MREG: variants seen among roughly 807,000 people sequenced by gnomAD.
MREG encodes the protein melanoregulin.
Under a neutral mutation model 28.5 loss-of-function variants are expected in MREG, and 31 were observed. The observed-to-expected ratio is 1.09, with a 90% confidence interval of 0.82 to 1.47. The LOEUF (loss-of-function observed/expected upper bound fraction) is 1.47. Among genes scored for constraint, MREG ranks in the 40% most tolerant of loss-of-function variants. The pLI is 0.00. For synonymous variants in MREG, 106 were observed against 95.2 expected (o/e 1.11, Z -0.66); for missense variants, 256 against 257.4 (o/e 0.99, Z 0.04).
chr2:215,944,925 C>A lies in MREG; in HGVS notation c.583G>T (p.Gly195Trp). 4.4e-6 allele frequency: 7 copies of A among 1,608,756 alleles called. No individual in the cohort carries two copies. Among genetic ancestry groups the A allele is most frequent in the Non-Finnish European group, 6.0e-6 (7 of 1,175,716 alleles). The part of the protein sequence containing the change: ...LARRTYPKKP[G>W]VPCLADGQKE... ...TGGCCATCTGCCAGGCATGGAACCC[C>A]AGGCTTCTTGGGGTAAGTTCGACGA... The change falls in exon 5 of 5, where the codon GGG (glycine) becomes TGG (tryptophan). Residue 195 changes from glycine to tryptophan, a missense_variant. Coordinates refer to ENST00000263268, the MANE Select transcript of MREG (RefSeq NM_018000.3).
chr2:215,997,242 G>A (rs766527179), intron 1 of MREG, among the ~76,000 whole-genome samples: 10 of 152,268 alleles, frequency 6.6e-5, no homozygotes, highest in Non-Finnish European at 1.0e-4. Flanking sequence ...ATAAACATGC[G>A]TACCCAAAGA....
chr2:215,952,143 C>G (rs1460781057), intron 2 of MREG, among the ~76,000 whole-genome samples: 2 of 152,174 alleles, frequency 1.3e-5, no homozygotes, highest in Non-Finnish European at 2.9e-5. Flanking sequence ...AATATATTTA[C>G]CAAATTATCT....
At chr2:215,984,407 C>T (rs944519627) in intron 2 of MREG, among the ~76,000 whole-genome samples, 5 of 149,766 alleles carry the variant, frequency 3.3e-5, no homozygotes, top group South Asian at 4.2e-4. Context: ...CAATCCAATG[C>T]TTTGGGAGGC....
chr2:215,986,168 G>T (rs191207020), intron 2 of MREG, among the ~76,000 whole-genome samples: 97 of 152,164 alleles, frequency 6.4e-4, no homozygotes, highest in African/African-American at 2.2e-3. Flanking sequence ...TTTATTTTAA[G>T]CTATCTCCTA....
At chr2:215,978,436 C>T (rs1452455907) in intron 2 of MREG, among the ~76,000 whole-genome samples, 1 of 152,164 alleles carries the variant, frequency 6.6e-6, no homozygotes, top group South Asian at 2.1e-4. Context: ...AGATTCACAG[C>T]CGAATTCTAC....
intron 1 of MREG, among the ~76,000 whole-genome samples, chr2:216,023,812 C>A (rs1694558673): frequency 6.6e-6 from 1 of 152,090 alleles, no homozygotes; most frequent in African/African-American, 2.4e-5. Flanking sequence ...GGATTACAGG[C>A]ACCCACGACC....
chr2:216,009,382 G>A (rs1694239854), intron 1 of MREG, among the ~76,000 whole-genome samples: 1 of 152,026 alleles, frequency 6.6e-6, no homozygotes, highest in African/African-American at 2.4e-5. Context: ...TGGGTGCAGT[G>A]GCTCACACCT....
chr2:216,021,368 G>A (rs1014555131), intron 1 of MREG, among the ~76,000 whole-genome samples: 1 of 152,144 alleles, frequency 6.6e-6, no homozygotes, highest in Non-Finnish European at 1.5e-5. Flanking sequence ...GATTACAGGC[G>A]TGAGCCACTG....
At chr2:215,959,044 C>G (rs1393939265) in intron 2 of MREG, among the ~76,000 whole-genome samples, 1 of 152,128 alleles carries the variant, frequency 6.6e-6, no homozygotes, top group Non-Finnish European at 1.5e-5. Context: ...AGCACATCCT[C>G]CAGCTGATCC....
intron 2 of MREG, among the ~76,000 whole-genome samples, chr2:215,958,897 G>T (rs1692705863): frequency 6.6e-6 from 1 of 152,188 alleles, no homozygotes; most frequent in African/African-American, 2.4e-5. Context: ...AGTGCCCACT[G>T]AGTGCCATGG....
At chr2:216,030,927 TTCTCTCTCTCTCTCTCTCTC>T (rs113417580) in intron 1 of MREG, among the ~76,000 whole-genome samples, 3 of 130,946 alleles carry the variant, frequency 2.3e-5, no homozygotes, top group South Asian at 2.7e-4. Flanking sequence ...ATGAGGCCCA[TTCTCTCTCTCTCTCTCTCTC>T]TCTCTCTCTC....
intron 2 of MREG, among the ~76,000 whole-genome samples, chr2:215,973,128 G>A (rs1292921795): frequency 6.6e-6 from 1 of 152,186 alleles, no homozygotes; most frequent in East Asian, 1.9e-4. Flanking sequence ...TGGAGAAGGG[G>A]CCCTTCGAGA....
downstream of MREG, among the ~76,000 whole-genome samples, chr2:215,939,970 TTTTA>T (rs1356312217): frequency 6.6e-6 from 1 of 152,244 alleles, no homozygotes. Flanking sequence ...TATGTCATTA[TTTTA>T]TTTCTGTATT....
upstream of MREG, among the ~76,000 whole-genome samples, chr2:216,014,361 A>G (rs1156796690): frequency 1.3e-5 from 2 of 152,166 alleles, no homozygotes; most frequent in East Asian, 1.9e-4. Flanking sequence ...AAGAATGTCT[A>G]TTGGATAGGC....
chr2:216,014,426 G>A (rs1330437932), upstream of MREG, among the ~76,000 whole-genome samples: 1 of 152,066 alleles, frequency 6.6e-6, no homozygotes, highest in East Asian at 1.9e-4. Flanking sequence ...CGACGCGGGC[G>A]GATCATGAGG....
Position 215,998,319 on chromosome 2 carries a change from A to AT in MREG, c.96-1855_96-1854insA, listed in dbSNP as rs1559193153. 3.9e-3 allele frequency among the ~76,000 whole-genome samples: 567 copies of AT among 146,770 alleles called. 1 individual carries two copies. The highest frequency in any genetic ancestry group is 0.012 in the African/African-American group (473 of 40,142). ...AAACTCCATCTCACAAAAAAAAAAA[A>AT]AAATAATAATAATAATAATAATAAT... On this transcript the variant is annotated intron_variant, in intron 1 of 4. Coordinates refer to ENST00000263268, the MANE Select transcript of MREG (RefSeq NM_018000.3).
chr2:215,974,827 C>CAG (rs1354139135), intron 2 of MREG, among the ~76,000 whole-genome samples: 2 of 25,202 alleles, frequency 7.9e-5, no homozygotes, highest in Non-Finnish European at 2.5e-4. Flanking sequence ...CACACACAGA[C>CAG]ACACACACAC....
intron 1 of MREG, among the ~76,000 whole-genome samples, chr2:216,011,095 CA>C (rs35487752): frequency 8.1e-4 from 86 of 106,720 alleles, no homozygotes; most frequent in Middle Eastern, 5.0e-3. Context: ...GACTCCGTCT[CA>C]AAAAAAAAAA....
chr2:215,947,790 CA>C (rs1030174660), intron 2 of MREG, among the ~76,000 whole-genome samples: 2 of 152,184 alleles, frequency 1.3e-5, no homozygotes, highest in African/African-American at 4.8e-5. Flanking sequence ...ATGAATCTGT[CA>C]CAAATTCAAC....
Sources: allele counts gnomAD v4.1 joint callset (sites outside exome capture counted in the v4.1 genomes callset), GRCh38; gene constraint gnomAD v4.1.1; transcripts MANE v1.5; gene names NCBI Gene and HGNC (gene_info 2026-07-23, HGNC 2026-07-21).